Variants in FBN2 observed in about 807,000 individuals in gnomAD.
FBN2 encodes fibrillin 2, also known as fibrillin-2.
A neutral mutation model predicts 355.6 loss-of-function variants in FBN2; 105 were observed. The observed-to-expected ratio is 0.30, with a 90% confidence interval of 0.25 to 0.35. FBN2 has a LOEUF of 0.35. Ranked by LOEUF, FBN2 falls within the 10% of genes least tolerant of loss-of-function variation. The pLI is 1.00. For synonymous variants in FBN2, 1,350 were observed against 1,301.2 expected (o/e 1.04, Z -0.81); for missense variants, 3,280 against 3,758.7 (o/e 0.87, Z 3.33).
At chr5:128,359,224 A>T (rs528793757) in intron 19 of FBN2, among the ~76,000 whole-genome samples, 1 of 152,180 alleles carries the variant, frequency 6.6e-6, no homozygotes, top group South Asian at 2.1e-4. Flanking sequence ...AATACTCTGA[A>T]AACATGATTG....
chr5:128,442,873 GA>G (rs760152431), intron 7 of FBN2, among the ~76,000 whole-genome samples: 1 of 151,936 alleles, frequency 6.6e-6, no homozygotes. Context: ...GAATATGAGG[GA>G]AAAAAAGAGT....
chr5:128,342,425 G>T lies in FBN2; in HGVS notation c.3343+1960C>A, dbSNP rs115155447. On this transcript the variant is annotated intron_variant, in intron 25 of 64. Coordinates refer to ENST00000262464, the MANE Select transcript of FBN2 (RefSeq NM_001999.4). ...TACATGTATGTGCCTGAGTGACAGA[G>T]GGCAAAAGTCAAAATTACAGGACAA... Among the ~76,000 whole-genome samples the T allele has an allele frequency of 9.9e-3, 1,499 of 152,128 alleles. 25 individuals are homozygous for T. Among genetic ancestry groups the T allele is most frequent in the African/African-American group, 0.034 (1,413 of 41,496 alleles).
At chr5:128,446,326 C>A in intron 7 of FBN2, 155 bp downstream of exon 7, 1 of 747,266 alleles carries the variant, frequency 1.3e-6, no homozygotes, top group Non-Finnish European at 2.2e-6. Context: ...GGCTACAATA[C>A]ACAAACACAG....
chr5:128,472,320 A>G (rs982926880), intron 5 of FBN2, among the ~76,000 whole-genome samples: 21 of 152,180 alleles, frequency 1.4e-4, no homozygotes, highest in African/African-American at 4.8e-4. Context: ...TCAAATTCAT[A>G]AAGACAGAAA....
intron 5 of FBN2, among the ~76,000 whole-genome samples, chr5:128,505,916 C>T (rs1428408002): frequency 6.6e-6 from 1 of 152,138 alleles, no homozygotes; most frequent in African/African-American, 2.4e-5. Context: ...GGCACTATTA[C>T]AAATAAGGCT....
intron 5 of FBN2, among the ~76,000 whole-genome samples, chr5:128,510,946 C>T (rs915033296): frequency 6.6e-6 from 1 of 152,108 alleles, no homozygotes; most frequent in Non-Finnish European, 1.5e-5. Context: ...GCTGAGTTAA[C>T]ATGAGAAAAT....
At chr5:128,442,028 C>A in intron 7 of FBN2, 1 of 195,316 alleles carries the variant, frequency 5.1e-6, no homozygotes, top group South Asian at 9.0e-5. Context: ...GTTTATTTTC[C>A]ATGGTTTATC....
chr5:128,290,724 G>A lies in FBN2; in HGVS notation c.6445+8C>T. On this transcript the variant is annotated splice_region_variant and intron_variant, in intron 50 of 64. Transcript: ENST00000262464. ...CAAAGTGCTGTCTGATGATGTCATT[G>A]CTCTTACCTTCATCGTCTTTGGGGC... 2 of 1,613,770 alleles carry A rather than the reference G, an allele frequency of 1.2e-6. No individual in the cohort carries two copies. The highest frequency in any genetic ancestry group is 1.7e-6 in the Non-Finnish European group (2 of 1,179,668).
intron 21 of FBN2, among the ~76,000 whole-genome samples, chr5:128,350,445 G>T (rs1263422502): frequency 6.6e-6 from 1 of 152,178 alleles, no homozygotes; most frequent in African/African-American, 2.4e-5. Context: ...CAGCTACTCG[G>T]GAAGCTGAGG....
intron 5 of FBN2, among the ~76,000 whole-genome samples, chr5:128,508,615 G>C (rs1756028388): frequency 6.6e-6 from 1 of 151,932 alleles, no homozygotes; most frequent in African/African-American, 2.4e-5. Context: ...TTCCTAAAAA[G>C]ATTTAAAATA....
intron 62 of FBN2, among the ~76,000 whole-genome samples, chr5:128,266,047 C>T (rs1247768120): frequency 6.6e-6 from 1 of 152,144 alleles, no homozygotes; most frequent in African/African-American, 2.4e-5. Context: ...TTTCAATTTG[C>T]GTTTTGTCCT....
At chr5:128,302,552 A>T (rs1169439939) in intron 46 of FBN2, among the ~76,000 whole-genome samples, 1 of 152,234 alleles carries the variant, frequency 6.6e-6, no homozygotes, top group Non-Finnish European at 1.5e-5. Flanking sequence ...ATGAAATGTC[A>T]TGACAGGTGT....
At chr5:128,455,874 C>T (rs977411025) in intron 6 of FBN2, among the ~76,000 whole-genome samples, 29 of 151,838 alleles carry the variant, frequency 1.9e-4, no homozygotes, top group African/African-American at 6.8e-4. Context: ...ATTATTACAG[C>T]CTCTGAGCAG....
chr5:128,419,844 C>T lies in FBN2; in HGVS notation c.953-11045G>A, dbSNP rs763554986. Among the ~76,000 whole-genome samples the T allele has an allele frequency of 6.6e-5, 10 of 151,964 alleles. 1 individual carries two copies. The highest frequency in any genetic ancestry group is 6.2e-4 in the South Asian group (3 of 4,810). ...AGTACTAGCTTGGATTACAGGCATG[C>T]GCCACCATGCCTGGCTAATTTTGTA... On this transcript the variant is annotated intron_variant, in intron 7 of 64. Transcript: ENST00000262464.
chr5:128,307,473 A>C (rs1317818258), intron 41 of FBN2, among the ~76,000 whole-genome samples: 1 of 152,092 alleles, frequency 6.6e-6, no homozygotes, highest in African/African-American at 2.4e-5. Flanking sequence ...AAGATTCAAA[A>C]TGTCCATTTA....
At chr5:128,362,687 A>C (rs1751669157) in intron 18 of FBN2, among the ~76,000 whole-genome samples, 1 of 152,178 alleles carries the variant, frequency 6.6e-6, no homozygotes, top group Middle Eastern at 3.2e-3. Context: ...CTGTTCTGGA[A>C]CTTCTGGCCT....
intron 11 of FBN2, among the ~76,000 whole-genome samples, chr5:128,381,877 C>T (rs558253414): frequency 1.3e-5 from 2 of 152,022 alleles, no homozygotes; most frequent in Non-Finnish European, 2.9e-5. Flanking sequence ...TGAGCTAAGC[C>T]TAATTTAATA....
At chr5:128,359,812 A>G (rs921440730) in intron 19 of FBN2, among the ~76,000 whole-genome samples, 3 of 152,068 alleles carry the variant, frequency 2.0e-5, no homozygotes, top group African/African-American at 7.2e-5. Context: ...TTAACTGTTC[A>G]TGTAAGCAGG....
intron 8 of FBN2, among the ~76,000 whole-genome samples, chr5:128,396,310 A>C (rs1365156021): frequency 6.6e-6 from 1 of 152,202 alleles, no homozygotes; most frequent in Non-Finnish European, 1.5e-5. Flanking sequence ...ATGAGCCTGG[A>C]ATGCAGAAGC....
Sources: gnomAD v4.1 joint callset for allele counts (sites outside exome capture counted in the v4.1 genomes callset) on GRCh38, gnomAD v4.1.1 for gene constraint, MANE v1.5 for transcripts, NCBI Gene and HGNC (gene_info 2026-07-23, HGNC 2026-07-21) for gene names.